The following MREG variants were observed in gnomAD, a reference collection of about 807,000 sequenced individuals.
The protein encoded by MREG is melanoregulin, also known as dilute suppressor protein homolog.
MREG carries 31 observed loss-of-function variants against 28.5 expected under a neutral mutation model. The observed-to-expected ratio is 1.09, with a 90% CI of 0.82 to 1.47. The LOEUF (loss-of-function observed/expected upper bound fraction) is 1.47, where lower values mean the gene tolerates loss of function less well. Among genes scored for constraint, MREG ranks in the 40% most tolerant of loss-of-function variants. MREG has a pLI of 0.00. For missense variants in MREG, 256 were observed against 257.4 expected (o/e 0.99, Z 0.04); for synonymous variants, 106 against 95.2 (o/e 1.11, Z -0.66).
intron 2 of MREG, among the ~76,000 whole-genome samples, chr2:215,953,381 C>T (rs1692537383): frequency 6.6e-6 from 1 of 152,184 alleles, no homozygotes; most frequent in Non-Finnish European, 1.5e-5. Flanking sequence ...ACTTCCCAGA[C>T]CAATGACATC....
chr2:216,009,193 T>A (rs1044314450), intron 1 of MREG, among the ~76,000 whole-genome samples: 1 of 152,206 alleles, frequency 6.6e-6, no homozygotes, highest in African/African-American at 2.4e-5. Flanking sequence ...TTATTTAATA[T>A]ATATTGTTGC....
chr2:215,954,982 C>A (rs1217208846), intron 2 of MREG, among the ~76,000 whole-genome samples: 1 of 152,126 alleles, frequency 6.6e-6, no homozygotes, highest in Non-Finnish European at 1.5e-5. Context: ...GGATTACAGG[C>A]GTGAGCCACC....
At chr2:216,032,520 G>C (rs914949880) in intron 1 of MREG, among the ~76,000 whole-genome samples, 2 of 152,196 alleles carry the variant, frequency 1.3e-5, no homozygotes, top group African/African-American at 2.4e-5. Flanking sequence ...CTGACCAGGG[G>C]TACAGGGGTC....
At chr2:216,026,569 C>T (rs566135253) in intron 1 of MREG, among the ~76,000 whole-genome samples, 1 of 152,188 alleles carries the variant, frequency 6.6e-6, no homozygotes, top group South Asian at 2.1e-4. Flanking sequence ...CCATGTTGCC[C>T]AGGCTGGTCT....
Position 215,997,582 on chromosome 2 carries a change from A to G in MREG, c.96-1117T>C, listed in dbSNP as rs73072184. Among the ~76,000 whole-genome samples, 1,503 of 152,354 alleles carry G rather than the reference A, an allele frequency of 9.9e-3. 21 individuals are homozygous for G. The highest frequency in any genetic ancestry group is 0.033 in the African/African-American group (1,365 of 41,572). ...ATCATCCCTGTCCTTGGACCTCACT[A>G]GAGTCTAGCATGGGAAACACATTAA... On this transcript the variant is annotated intron_variant, in intron 1 of 4. Coordinates refer to ENST00000263268, the MANE Select transcript of MREG (RefSeq NM_018000.3).
chr2:216,007,816 G>C (rs1273255304), intron 1 of MREG, among the ~76,000 whole-genome samples: 1 of 151,700 alleles, frequency 6.6e-6, no homozygotes, highest in Non-Finnish European at 1.5e-5. Flanking sequence ...TAGTGCTGAA[G>C]TGCTAACATA....
chr2:216,024,726 A>G (rs982316177), intron 1 of MREG, among the ~76,000 whole-genome samples: 2 of 151,734 alleles, frequency 1.3e-5, no homozygotes, highest in Non-Finnish European at 2.9e-5. Flanking sequence ...ATTCAAAAGA[A>G]AAAAAAATCA....
chr2:216,022,706 G>T (rs917081398), intron 1 of MREG, among the ~76,000 whole-genome samples: 1 of 152,110 alleles, frequency 6.6e-6, no homozygotes, highest in African/African-American at 2.4e-5. Flanking sequence ...AGTTTTCTGT[G>T]TTCTCCAAAG....
upstream of MREG, among the ~76,000 whole-genome samples, chr2:216,015,230 C>A (rs1422248270): frequency 6.6e-6 from 1 of 151,334 alleles, no homozygotes; most frequent in East Asian, 1.9e-4. Flanking sequence ...GGGAGTGATG[C>A]CTGCACTTTT....
intron 2 of MREG, among the ~76,000 whole-genome samples, chr2:215,949,035 T>TCTACTACTACTA (rs67462853): frequency 2.4e-4 from 31 of 131,096 alleles, no homozygotes; most frequent in Non-Finnish European, 3.4e-4. Context: ...AAACCCTGTC[T>TCTACTACTACTA]CTACTACTAC....
chr2:215,983,047 G>A (rs1270414415), intron 2 of MREG, among the ~76,000 whole-genome samples: 1 of 152,140 alleles, frequency 6.6e-6, no homozygotes, highest in African/African-American at 2.4e-5. Flanking sequence ...CACTAGCAAA[G>A]TAAAAGAAAG....
rs568104671 is a variant in MREG at position 215,994,566 on chromosome 2, AAAG to A, written c.255+1737_255+1739del. On this transcript the variant is annotated intron_variant, in intron 2 of 4. Coordinates refer to ENST00000263268, the MANE Select transcript of MREG (RefSeq NM_018000.3). ...GAACTTAAAGTATAATTTTAAAAAA[AAAG>A]AGGGAGAAGAGGGAGAAGGGGAAGA... 6.2e-4 allele frequency among the ~76,000 whole-genome samples: 94 copies of A among 151,608 alleles called. 1 individual carries two copies. The East Asian group carries it at 0.017, about 28-fold the overall frequency.
intron 2 of MREG, among the ~76,000 whole-genome samples, chr2:215,982,102 C>A (rs1283245991): frequency 2.0e-5 from 3 of 152,128 alleles, no homozygotes; most frequent in Admixed American, 6.5e-5. Context: ...GGGTGGATCA[C>A]CTGAGGTCAG....
At chr2:215,946,856 C>T (rs1180843277) in intron 3 of MREG, among the ~76,000 whole-genome samples, 167 bp downstream of exon 3, 1 of 152,124 alleles carries the variant, frequency 6.6e-6, no homozygotes, top group Non-Finnish European at 1.5e-5. Context: ...AAACATCAGG[C>T]ATTTATGCTT....
At position 216,003,234 on chromosome 2, in the gene MREG, C is replaced by T. The variant is rs538567255; in HGVS notation, c.96-6769G>A. Among the ~76,000 whole-genome samples, 5 of 152,252 alleles carry T rather than the reference C, an allele frequency of 3.3e-5. No individual in the cohort carries two copies. The East Asian group carries it at 9.7e-4, about 29-fold the overall frequency. ...CTTCAGCCCCAGAGATGTGACCTGC[C>T]TCAGTGTGAAGGAAGAAAAGCCCTG... is the stretch of plus-strand genomic sequence containing the variant. On this transcript the variant is annotated intron_variant, in intron 1 of 4. Coordinates refer to ENST00000263268, the MANE Select transcript of MREG (RefSeq NM_018000.3).
At chr2:216,029,646 A>T (rs932791592) in intron 1 of MREG, among the ~76,000 whole-genome samples, 8 of 152,242 alleles carry the variant, frequency 5.3e-5, no homozygotes, top group Admixed American at 5.2e-4. Flanking sequence ...CAAGGATGCT[A>T]AGTCATGCTC....
intron 2 of MREG, among the ~76,000 whole-genome samples, chr2:215,996,051 A>G (rs1047017729): frequency 6.6e-6 from 1 of 152,210 alleles, no homozygotes; most frequent in African/African-American, 2.4e-5. Flanking sequence ...ACACTCTTCA[A>G]CAGCATTGCC....
upstream of MREG, among the ~76,000 whole-genome samples, chr2:216,017,928 A>G (rs1440216876): frequency 6.6e-6 from 1 of 151,914 alleles, no homozygotes; most frequent in Non-Finnish European, 1.5e-5. Context: ...AGGTGGGCGA[A>G]TAACCTGAGG....
chr2:215,958,362 GT>G (rs1692687802), intron 2 of MREG, among the ~76,000 whole-genome samples: 1 of 152,162 alleles, frequency 6.6e-6, no homozygotes, highest in South Asian at 2.1e-4. Flanking sequence ...CAGCAAACCA[GT>G]TTCACTCACT....
Sources: gnomAD v4.1 joint callset for allele counts (sites outside exome capture counted in the v4.1 genomes callset) on GRCh38, gnomAD v4.1.1 for gene constraint, MANE v1.5 for transcripts, NCBI Gene and HGNC (gene_info 2026-07-23, HGNC 2026-07-21) for gene names.